The following FGF14 variants were observed in gnomAD, a reference collection of about 807,000 sequenced individuals.
The protein encoded by FGF14 is fibroblast growth factor 14.
In FGF14, 5 loss-of-function variants were observed where a neutral mutation model predicts 25.5. The ratio of observed to expected loss-of-function variants is 0.20; its 90% CI spans 0.10 to 0.41. The LOEUF is 0.41. Among genes scored for constraint, FGF14 ranks in the 10% least tolerant of loss-of-function variants. FGF14 has a pLI of 1.00. For synonymous variants in FGF14, 138 were observed against 118.3 expected (o/e 1.17, Z -1.08); for missense variants, 222 against 320.1 (o/e 0.69, Z 2.34).
rs537741450 is a variant in FGF14, at chr13:102,238,096, T to C, written c.208+163375A>G. 3.3e-5 allele frequency among the ~76,000 whole-genome samples: 5 copies of C among 152,322 alleles called. No individual in the cohort carries two copies. In the East Asian group the frequency reaches 7.7e-4, roughly 23 times the overall value. On this transcript the variant is annotated intron_variant, in intron 1 of 4. Transcript: ENST00000376131. Reference sequence around the variant, plus strand: ...TATTATCATTGAATTTGTGTCTTAATTGAATTGCATGCTTACTAAATGAAA... The same window carrying C: ...TATTATCATTGAATTTGTGTCTTAACTGAATTGCATGCTTACTAAATGAAA...
intron 1 of FGF14, among the ~76,000 whole-genome samples, chr13:102,346,619 T>C (rs538673981): frequency 5.3e-5 from 8 of 152,100 alleles, no homozygotes; most frequent in East Asian, 1.9e-4. Flanking sequence ...CACATACATA[T>C]ACATACACAC....
At chr13:102,383,667 C>T (rs1007820347) in intron 1 of FGF14, among the ~76,000 whole-genome samples, 2 of 152,118 alleles carry the variant, frequency 1.3e-5, no homozygotes, top group African/African-American at 4.8e-5. Context: ...AGGATAGATC[C>T]GTTTATTCCT....
chr13:102,348,887 A>G (rs1159922027), intron 1 of FGF14, among the ~76,000 whole-genome samples: 1 of 152,154 alleles, frequency 6.6e-6, no homozygotes, highest in Non-Finnish European at 1.5e-5. Context: ...GCCTTTAGCA[A>G]AAAGGTACTT....
chr13:102,360,653 A>T (rs1264003325), intron 1 of FGF14, among the ~76,000 whole-genome samples: 2 of 152,214 alleles, frequency 1.3e-5, no homozygotes, highest in Non-Finnish European at 2.9e-5. Context: ...GTAAGTTGAG[A>T]AAAATTAGCG....
chr13:102,159,819 T>C (rs1008600975), intron 1 of FGF14, among the ~76,000 whole-genome samples: 1 of 152,246 alleles, frequency 6.6e-6, no homozygotes, highest in Non-Finnish European at 1.5e-5. Flanking sequence ...AATCTTACAA[T>C]TTAAAGTTAT....
chr13:102,357,703 G>A (rs763966889), intron 1 of FGF14, among the ~76,000 whole-genome samples: 44 of 152,074 alleles, frequency 2.9e-4, no homozygotes, highest in Non-Finnish European at 5.0e-4. Context: ...TGTTTAGAAC[G>A]GTGCCTGGAC....
At chr13:101,970,633 TG>T (rs1413623270) in intron 1 of FGF14, among the ~76,000 whole-genome samples, 1 of 152,158 alleles carries the variant, frequency 6.6e-6, no homozygotes, top group Non-Finnish European at 1.5e-5. Flanking sequence ...CATGTCTGAC[TG>T]TAAGGAAAGT....
intron 3 of FGF14, among the ~76,000 whole-genome samples, chr13:101,850,628 T>C (rs1325853073): frequency 7.1e-6 from 1 of 140,836 alleles, no homozygotes; most frequent in African/African-American, 2.6e-5. Context: ...ATTCTATATA[T>C]ATAGAAATGG....
At chr13:102,106,307 A>C (rs2124989) in intron 1 of FGF14, among the ~76,000 whole-genome samples, 11,159 of 152,162 alleles carry the variant, frequency 0.073, 1,382 homozygotes, top group African/African-American at 0.25. Context: ...GCAGTGCCTC[A>C]CGCCTGTAAT....
chr13:102,145,608 T>A (rs972622353), intron 1 of FGF14, among the ~76,000 whole-genome samples: 12 of 152,336 alleles, frequency 7.9e-5, no homozygotes, highest in Non-Finnish European at 1.6e-4. Flanking sequence ...GTGTACCAGT[T>A]ACACCTGTTA....
intron 1 of FGF14, among the ~76,000 whole-genome samples, chr13:101,941,606 T>C (rs916644856): frequency 5.9e-5 from 9 of 152,204 alleles, no homozygotes; most frequent in African/African-American, 1.7e-4. Flanking sequence ...CCAGGAATCT[T>C]TTCTAAAGCA....
At chr13:102,401,862 A>G (rs1190259024), upstream of FGF14, 1 of 627,008 alleles carries the variant, frequency 1.6e-6, no homozygotes, top group Non-Finnish European at 2.8e-6. Context: ...AGCCAAACAG[A>G]AAAGCAAAGA....
intron 1 of FGF14, among the ~76,000 whole-genome samples, chr13:102,306,186 T>C (rs927489597): frequency 6.6e-5 from 10 of 152,190 alleles, no homozygotes; most frequent in African/African-American, 2.4e-4. Flanking sequence ...AGATCACTAC[T>C]GAGTGACAGA....
intron 4 of FGF14, 142 bp from the exon 5 acceptor site, chr13:101,723,109 C>G (rs1442524267): frequency 2.1e-6 from 2 of 971,452 alleles, no homozygotes; most frequent in Admixed American, 1.9e-5. Context: ...AGACAGAATT[C>G]CTGTTGTAAA....
At chr13:102,034,903 T>C (rs748219785) in intron 1 of FGF14, among the ~76,000 whole-genome samples, 110 of 152,260 alleles carry the variant, frequency 7.2e-4, no homozygotes, top group Non-Finnish European at 2.8e-4. Flanking sequence ...CTTCCATTAT[T>C]GTTCCATTTT....
intron 1 of FGF14, among the ~76,000 whole-genome samples, chr13:102,344,393 C>T (rs1285239146): frequency 1.3e-5 from 2 of 152,200 alleles, no homozygotes; most frequent in East Asian, 1.9e-4. Flanking sequence ...GTAAAGAATA[C>T]CTATGTTTGC....
intron 1 of FGF14, among the ~76,000 whole-genome samples, chr13:102,200,796 A>T (rs2049583760): frequency 6.6e-6 from 1 of 152,102 alleles, no homozygotes; most frequent in Non-Finnish European, 1.5e-5. Flanking sequence ...TGACAACTTG[A>T]AGATGTGGGC....
intron 1 of FGF14, among the ~76,000 whole-genome samples, chr13:102,167,560 G>A (rs593186): frequency 0.026 from 4,001 of 152,150 alleles, 173 homozygotes; most frequent in African/African-American, 0.091. Context: ...GGTATAGGAA[G>A]TATAGGAGTT....
At chr13:102,114,534 A>G (rs658345) in intron 1 of FGF14, among the ~76,000 whole-genome samples, 80,831 of 151,972 alleles carry the variant, frequency 0.53, 22,897 homozygotes, top group East Asian at 0.75. Context: ...AACATTATTC[A>G]CAGTAGCCAA....
Sources: allele counts gnomAD v4.1 joint callset (sites outside exome capture counted in the v4.1 genomes callset), GRCh38; gene constraint gnomAD v4.1.1; transcripts MANE v1.5; gene names NCBI Gene and HGNC (gene_info 2026-07-23, HGNC 2026-07-21).